Variants in GAS7 observed in about 807,000 individuals in gnomAD.
GAS7 encodes the protein growth arrest specific 7, also known as growth arrest-specific protein 7.
GAS7 carries 28 observed loss-of-function variants against 71.1 expected under a neutral mutation model. That is an observed-to-expected ratio of 0.39 (90% confidence interval 0.29 to 0.54). The LOEUF (loss-of-function observed/expected upper bound fraction) is 0.54, where lower values mean the gene tolerates loss of function less well. Among genes scored for constraint, GAS7 ranks in the 20% least tolerant of loss-of-function variants. GAS7 has a pLI of 0.62. For missense variants in GAS7, 436 were observed against 627.8 expected (o/e 0.69, Z 3.27); for synonymous variants, 258 against 245.8 (o/e 1.05, Z -0.46).
chr17:10,106,707 G>A (rs1032962273), intron 1 of GAS7, among the ~76,000 whole-genome samples: 10 of 152,040 alleles, frequency 6.6e-5, no homozygotes, highest in East Asian at 1.9e-4. Context: ...CCGACTTGGC[G>A]AATAACGTCC....
At chr17:10,001,494 C>T (rs1438573648) in intron 2 of GAS7, among the ~76,000 whole-genome samples, 1 of 152,156 alleles carries the variant, frequency 6.6e-6, no homozygotes, top group South Asian at 2.1e-4. Context: ...CAGCAGGAAT[C>T]GGGGAAAAAA....
intron 1 of GAS7, among the ~76,000 whole-genome samples, chr17:10,074,742 T>C (rs1296399967): frequency 2.6e-5 from 4 of 152,174 alleles, no homozygotes; most frequent in African/African-American, 9.7e-5. Context: ...ATCCAATCTC[T>C]TCCATAAATA....
chr17:9,945,893 A>G (rs893102605), intron 6 of GAS7, among the ~76,000 whole-genome samples: 1 of 152,106 alleles, frequency 6.6e-6, no homozygotes, highest in Non-Finnish European at 1.5e-5. Flanking sequence ...CTGAGACAGG[A>G]GAGTCGCTTG....
At chr17:9,957,799 C>T (rs1403268278) in intron 5 of GAS7, among the ~76,000 whole-genome samples, 1 of 152,146 alleles carries the variant, frequency 6.6e-6, no homozygotes, top group Non-Finnish European at 1.5e-5. Context: ...CAGGCTGAGT[C>T]GTTCTGCCCA....
At chr17:9,947,267 T>C (rs765736804) in intron 5 of GAS7, among the ~76,000 whole-genome samples, 1 of 152,136 alleles carries the variant, frequency 6.6e-6, no homozygotes, top group Admixed American at 6.5e-5. Context: ...CAAGAGTCTA[T>C]CATACAGATA....
At chr17:10,162,447 C>T (rs1485361123) in intron 1 of GAS7, among the ~76,000 whole-genome samples, 1 of 152,092 alleles carries the variant, frequency 6.6e-6, no homozygotes, top group Non-Finnish European at 1.5e-5. Context: ...CCCCCTCCCA[C>T]TCATTCTTGA....
chr17:9,958,196 ACT>A (rs755979257), intron 5 of GAS7, among the ~76,000 whole-genome samples: 45 of 151,598 alleles, frequency 3.0e-4, no homozygotes, highest in Admixed American at 7.2e-4. Flanking sequence ...TATAACCGAC[ACT>A]CTGGCCTCAG....
chr17:10,103,835 CA>C lies in GAS7; in HGVS notation c.184-83939del, dbSNP rs776629494. ...AGCAAGACTGCATCTCAAAAAATCT[CA>C]AAAAAAAAAAAAAAGAAGCAAACCC... On this transcript the variant is annotated intron_variant, in intron 1 of 13. Transcript: ENST00000432992. The surrounding 1 kb of genome is among the most constrained non-coding windows in gnomAD (Gnocchi z 5.5). 0.015 allele frequency among the ~76,000 whole-genome samples: 1,803 copies of C among 122,008 alleles called. 23 individuals are homozygous for C. The highest frequency in any genetic ancestry group is 0.041 in the African/African-American group (1,372 of 33,178). 80.0% of individuals were successfully genotyped at this position (122,008 alleles called of 152,430 possible). A position where few individuals can be genotyped will look rare whatever the true frequency, so the allele number is the denominator to read the frequency against.
intron 6 of GAS7, 133 bp downstream of exon 6, chr17:9,946,761 C>T: frequency 1.7e-6 from 1 of 602,736 alleles, no homozygotes. Context: ...CAGATGCAAA[C>T]TCTAACACCA....
chr17:10,136,750 C>T (rs9914172), intron 1 of GAS7, among the ~76,000 whole-genome samples: 119,191 of 152,068 alleles, frequency 0.78, 47,544 homozygotes, highest in Non-Finnish European at 0.87. Flanking sequence ...CCTCCAAAGG[C>T]TTCCCTTCAC....
intron 8 of GAS7, among the ~76,000 whole-genome samples, chr17:9,938,194 T>C (rs1277130112): frequency 3.3e-5 from 5 of 152,268 alleles, no homozygotes; most frequent in East Asian, 3.9e-4. Flanking sequence ...CCTGATCTGA[T>C]AGGATTAGTG....
At chr17:10,052,557 GT>G (rs1048669796) in intron 1 of GAS7, among the ~76,000 whole-genome samples, 1 of 152,238 alleles carries the variant, frequency 6.6e-6, no homozygotes, top group South Asian at 2.1e-4. Flanking sequence ...GCTGTGAGCA[GT>G]TTTGTTTTTC....
At chr17:10,144,647 AAT>A (rs1432113749) in intron 1 of GAS7, among the ~76,000 whole-genome samples, 1 of 152,090 alleles carries the variant, frequency 6.6e-6, no homozygotes, top group Non-Finnish European at 1.5e-5. Flanking sequence ...GGGCTCAGGC[AAT>A]CCTCCCACCT....
At chr17:10,028,480 T>C (rs1282564457) in intron 1 of GAS7, among the ~76,000 whole-genome samples, 1 of 152,180 alleles carries the variant, frequency 6.6e-6, no homozygotes, top group Non-Finnish European at 1.5e-5. Flanking sequence ...TTTATTTTAT[T>C]GCAGAAAATA....
chr17:10,113,109 G>T (rs1243447577), intron 1 of GAS7, among the ~76,000 whole-genome samples: 1 of 152,084 alleles, frequency 6.6e-6, no homozygotes, highest in East Asian at 1.9e-4. Flanking sequence ...TAGAGTGGGG[G>T]AGCCATGGGA....
At chr17:10,001,211 A>G (rs912241722) in intron 2 of GAS7, among the ~76,000 whole-genome samples, 3 of 152,220 alleles carry the variant, frequency 2.0e-5, no homozygotes, top group Admixed American at 1.3e-4. Flanking sequence ...AGAAAGATCA[A>G]GAGAAACAGA....
In GAS7 at chr17:9,917,167, C is replaced by A; in HGVS notation, c.*61G>T. On this transcript the variant is annotated 3_prime_UTR_variant, in exon 14 of 14. Coordinates refer to ENST00000432992, the MANE Select transcript of GAS7 (RefSeq NM_201433.2). The stretch of plus-strand genomic sequence containing the variant: ...GTGGGGGGCATCCACTCGGCATGGG[C>A]CCCATGGTGGGAGCCCAGCCCCCCT... 1.9e-6 allele frequency: 2 copies of A among 1,028,942 alleles called. No homozygotes were observed. The highest frequency in any genetic ancestry group is 3.1e-6 in the Non-Finnish European group (2 of 646,640). 63.7% of individuals were successfully genotyped at this position (1,028,942 alleles called of 1,614,324 possible). A position where few individuals can be genotyped will look rare whatever the true frequency, so the allele number is the denominator to read the frequency against.
chr17:9,963,748 T>TA (rs2069595698), intron 4 of GAS7, among the ~76,000 whole-genome samples: 3 of 152,238 alleles, frequency 2.0e-5, no homozygotes, highest in Middle Eastern at 3.4e-3. Context: ...TTTTCTTTCT[T>TA]AAAAAAAGGC....
At chr17:10,068,603 A>C (rs112096811) in intron 1 of GAS7, among the ~76,000 whole-genome samples, 12,121 of 151,568 alleles carry the variant, frequency 0.08, 1,635 homozygotes, top group African/African-American at 0.28. Flanking sequence ...AAAAAAAAAA[A>C]AAATCACAAA....
Sources: gnomAD v4.1 joint callset for allele counts (sites outside exome capture counted in the v4.1 genomes callset) on GRCh38, gnomAD v4.1.1 for gene constraint, Gnocchi (gnomAD v3.1) non-coding constraint, MANE v1.5 for transcripts, NCBI Gene and HGNC (gene_info 2026-07-23, HGNC 2026-07-21) for gene names.